AKAP6: variants seen among roughly 807,000 people sequenced by gnomAD.
AKAP6 encodes the protein A-kinase anchor protein 6.
In AKAP6, 58 loss-of-function variants were observed where a neutral mutation model predicts 188.5. That is an observed-to-expected ratio of 0.31 (90% CI 0.25 to 0.38). The LOEUF is 0.38. Ranked by LOEUF, AKAP6 falls within the 10% of genes least tolerant of loss-of-function variation. The probability of loss-of-function intolerance (pLI) is 1.00; values close to 1 mark genes in which losing one functional copy is unlikely to be tolerated. For missense variants in AKAP6, 2,710 were observed against 2,740.0 expected, an observed-to-expected ratio of 0.99 and a Z score of 0.24; for synonymous variants, 989 against 998.6, an observed-to-expected ratio of 0.99 and a Z score of 0.18.
intron 11 of AKAP6, among the ~76,000 whole-genome samples, chr14:32,743,815 T>C (rs576676269): frequency 4.3e-4 from 65 of 152,226 alleles, no homozygotes; most frequent in Admixed American, 9.2e-4. Flanking sequence ...GTAGTTTACA[T>C]ACCACAGTTG....
chr14:32,429,290 T>A (rs1890139341), intron 1 of AKAP6, among the ~76,000 whole-genome samples: 1 of 152,236 alleles, frequency 6.6e-6, no homozygotes, highest in Non-Finnish European at 1.5e-5. Flanking sequence ...TATTTACAGA[T>A]ATAGACTCAT....
intron 1 of AKAP6, among the ~76,000 whole-genome samples, chr14:32,409,905 CCTACCTAAGGAA>C (rs1463753229): frequency 6.6e-6 from 1 of 151,982 alleles, no homozygotes; most frequent in East Asian, 1.9e-4. Context: ...TTGCCCAAAT[CCTACCTAAGGAA>C]CCTAGGGAGT....
At chr14:32,787,874 T>A (rs1022504017) in intron 12 of AKAP6, among the ~76,000 whole-genome samples, 2 of 152,020 alleles carry the variant, frequency 1.3e-5, no homozygotes, top group East Asian at 3.9e-4. Context: ...GAGATCTATA[T>A]GCCCTCCCTC....
intron 7 of AKAP6, chr14:32,616,949 C>T (rs1420039143): frequency 6.6e-6 from 1 of 152,214 alleles, no homozygotes; most frequent in Non-Finnish European, 1.5e-5. Flanking sequence ...GCCCTTTGCT[C>T]ACTGTCCCCT....
chr14:32,548,790 C>T (rs189002705), intron 4 of AKAP6, among the ~76,000 whole-genome samples: 1 of 152,210 alleles, frequency 6.6e-6, no homozygotes, highest in Non-Finnish European at 1.5e-5. Context: ...GTTGTAGTTT[C>T]TCCTTCGCCG....
intron 12 of AKAP6, among the ~76,000 whole-genome samples, chr14:32,799,367 T>C (rs2140082543): frequency 6.6e-6 from 1 of 152,298 alleles, no homozygotes; most frequent in South Asian, 2.1e-4. Context: ...GCTTAAATTG[T>C]TTTTCTTTCT....
chr14:32,601,213 A>G (rs1428024123), intron 7 of AKAP6, among the ~76,000 whole-genome samples: 2 of 152,204 alleles, frequency 1.3e-5, no homozygotes, highest in Non-Finnish European at 2.9e-5. Context: ...TTAACAAAGA[A>G]GAGAGAAAGT....
At position 32,823,533 on chromosome 14, in the gene AKAP6, A is replaced by G; in HGVS notation, c.5720A>G (p.Lys1907Arg). 6.2e-7 allele frequency: 1 copy of G among 1,613,878 alleles called. No homozygotes were observed. Among genetic ancestry groups the G allele is most frequent in the Non-Finnish European group, 8.5e-7 (1 of 1,179,886 alleles). ...ATTGAAGGTATTCCAGAAAGGCAAA[A>G]GGGAAAACCGAATGTGACTTCAAAG... ...GNIEGIPERQ[K>R]GKPNVTSKVS... is the part of the protein sequence containing the mutation. The change falls in exon 13 of 14, where the codon AAG becomes AGG. Residue 1907 changes from lysine (K) to arginine (R), a missense_variant. Physicochemically the swap from Lys to Arg is conservative, Grantham distance 26. Around this residue, in one of 2 missense-constraint regions of AKAP6, gnomAD observed 2,473 missense variants for 2,426.1 expected, o/e 1.02. Transcript: ENST00000280979.
chr14:32,736,297 A>C (rs2031420189), intron 11 of AKAP6, among the ~76,000 whole-genome samples: 1 of 152,188 alleles, frequency 6.6e-6, no homozygotes, highest in African/African-American at 2.4e-5. Flanking sequence ...CTGCTAACAA[A>C]AGGAAACATA....
rs1218146093 is a variant in AKAP6 at position 32,784,781 on chromosome 14, G to T, written c.3588+10888G>T. On this transcript the variant is annotated intron_variant, in intron 12 of 13. Transcript: ENST00000280979. ...ATGCAGCCAGTAGGCGGAGAAAGGT[G>T]TGGACGCAGGCGTATCTGACTCCAA... Among the ~76,000 whole-genome samples, 3 of 152,320 alleles carry T rather than the reference G, an allele frequency of 2.0e-5. No individual in the cohort carries two copies. The East Asian group carries it at 5.8e-4, about 29-fold the overall frequency.
At position 32,766,931 on chromosome 14, in the gene AKAP6, A is replaced by G. The variant is rs1340038988; in HGVS notation, c.3373-6747A>G. On this transcript the variant is annotated intron_variant, in intron 11 of 13. Transcript: ENST00000280979. ...CTCTATATTTTCTTCTAAGATTTTTATAGTTTTAGCTCTTACAATTAAGAG... is the reference window on the plus strand; with the variant it reads ...CTCTATATTTTCTTCTAAGATTTTTGTAGTTTTAGCTCTTACAATTAAGAG... Among the ~76,000 whole-genome samples the G allele has an allele frequency of 3.3e-5, 5 of 152,144 alleles. No individual in the cohort carries two copies. The East Asian group carries it at 9.6e-4, about 29-fold the overall frequency.
chr14:32,549,699 T>A (rs1883368010), intron 4 of AKAP6, among the ~76,000 whole-genome samples: 1 of 152,218 alleles, frequency 6.6e-6, no homozygotes, highest in Non-Finnish European at 1.5e-5. Flanking sequence ...TTACCCTACT[T>A]AAGTCCCGGA....
At chr14:32,535,940 A>G (rs1478803334) in intron 3 of AKAP6, 135 bp downstream of exon 3, 3 of 1,282,424 alleles carry the variant, frequency 2.3e-6, no homozygotes, top group Non-Finnish European at 3.2e-6. Context: ...ATCTAGGCAT[A>G]GTGACTAGAA....
chr14:32,518,811 C>T (rs1404235586), intron 2 of AKAP6, among the ~76,000 whole-genome samples: 3 of 152,174 alleles, frequency 2.0e-5, no homozygotes, highest in Non-Finnish European at 4.4e-5. Flanking sequence ...CCTAGAAAGG[C>T]AGACCAACAT....
chr14:32,335,548 A>G (rs1029368057), intron 1 of AKAP6, among the ~76,000 whole-genome samples: 2 of 152,296 alleles, frequency 1.3e-5, no homozygotes, highest in Non-Finnish European at 2.9e-5. Context: ...GTGGCATGCA[A>G]AGGAACTCAG....
At chr14:32,467,223 A>AC (rs1878515315) in intron 2 of AKAP6, among the ~76,000 whole-genome samples, 1 of 65,376 alleles carries the variant, frequency 1.5e-5, no homozygotes, top group African/African-American at 3.4e-5. Flanking sequence ...AAAAAAAAAC[A>AC]AAAACAAAAA....
intron 1 of AKAP6, among the ~76,000 whole-genome samples, chr14:32,331,938 T>C (rs1886546565): frequency 6.6e-6 from 1 of 152,134 alleles, no homozygotes; most frequent in Non-Finnish European, 1.5e-5. Flanking sequence ...TGCCGATAAC[T>C]AGGCCGCATA....
intron 7 of AKAP6, among the ~76,000 whole-genome samples, chr14:32,655,084 A>C (rs1244488126): frequency 6.6e-6 from 1 of 152,166 alleles, no homozygotes; most frequent in South Asian, 2.1e-4. Flanking sequence ...ATTAATGAGT[A>C]AAATTGATTA....
chr14:32,768,947 T>A (rs917354437), intron 11 of AKAP6, among the ~76,000 whole-genome samples: 2 of 150,888 alleles, frequency 1.3e-5, no homozygotes, highest in Non-Finnish European at 2.9e-5. Flanking sequence ...TTGTAGAAAA[T>A]CTGGTCATAG....
Sources: gnomAD v4.1 joint callset for allele counts (sites outside exome capture counted in the v4.1 genomes callset) on GRCh38, gnomAD v4.1.1 for gene constraint, gnomAD v4.1.1 regional missense constraint, MANE v1.5 for transcripts, NCBI Gene and HGNC (gene_info 2026-07-23, HGNC 2026-07-21) for gene names.